Variants in ALK observed in about 807,000 individuals in gnomAD.
ALK encodes ALK receptor tyrosine kinase, also known as ALK tyrosine kinase receptor.
ALK carries 74 observed loss-of-function variants against 163.1 expected under a neutral mutation model. The ratio of observed to expected loss-of-function variants is 0.45; its 90% CI spans 0.38 to 0.55. The LOEUF (loss-of-function observed/expected upper bound fraction) is 0.55. Among genes scored for constraint, ALK ranks in the 20% least tolerant of loss-of-function variants. ALK has a pLI of 0.00. For missense variants in ALK, 2,063 were observed against 2,105.3 expected, an observed-to-expected ratio of 0.98 and a Z score of 0.39; for synonymous variants, 960 against 843.2, an observed-to-expected ratio of 1.14 and a Z score of -2.40.
intron 1 of ALK, among the ~76,000 whole-genome samples, chr2:29,865,503 G>A (rs969400235): frequency 6.6e-6 from 1 of 152,114 alleles, no homozygotes; most frequent in African/African-American, 2.4e-5. Context: ...AGTTTTATAT[G>A]TAACAATCTG....
intron 9 of ALK, among the ~76,000 whole-genome samples, chr2:29,290,932 G>A (rs1255534872): frequency 6.6e-6 from 1 of 152,172 alleles, no homozygotes; most frequent in African/African-American, 2.4e-5. Flanking sequence ...GGAATGGTCT[G>A]CAGCAGGAGG....
At chr2:29,528,039 C>G (rs1048586483) in intron 4 of ALK, among the ~76,000 whole-genome samples, 2 of 152,196 alleles carry the variant, frequency 1.3e-5, no homozygotes, top group Non-Finnish European at 2.9e-5. Flanking sequence ...AATGCCCTGA[C>G]AGCTTATCTT....
intron 5 of ALK, among the ~76,000 whole-genome samples, chr2:29,354,009 G>C (rs1668181162): frequency 6.6e-6 from 1 of 152,186 alleles, no homozygotes; most frequent in African/African-American, 2.4e-5. Context: ...CCTGAGGCTG[G>C]GGCATTTCTG....
intron 6 of ALK, among the ~76,000 whole-genome samples, chr2:29,323,324 G>A (rs1264388883): frequency 6.6e-6 from 1 of 152,188 alleles, no homozygotes; most frequent in Non-Finnish European, 1.5e-5. Context: ...GCAAGTCCCT[G>A]CCTGGCTCTC....
At chr2:29,644,572 T>C (rs1229647083) in intron 3 of ALK, among the ~76,000 whole-genome samples, 2 of 69,168 alleles carry the variant, frequency 2.9e-5, no homozygotes, top group Admixed American at 1.3e-4. Flanking sequence ...TTAAGGTTTT[T>C]TTTTCCCCCC....
At chr2:29,709,556 A>AC (rs1679012474) in intron 2 of ALK, among the ~76,000 whole-genome samples, 1 of 152,226 alleles carries the variant, frequency 6.6e-6, no homozygotes, top group African/African-American at 2.4e-5. Context: ...GTCTAGGAAG[A>AC]GTGATAACGC....
chr2:29,436,948 G>A (rs1670416428), intron 4 of ALK, among the ~76,000 whole-genome samples: 1 of 152,196 alleles, frequency 6.6e-6, no homozygotes, highest in Admixed American at 6.5e-5. Flanking sequence ...CAGCAGGAGT[G>A]ACAGAGGTAG....
intron 3 of ALK, among the ~76,000 whole-genome samples, chr2:29,557,779 G>C (rs527778600): frequency 6.6e-6 from 1 of 152,272 alleles, no homozygotes; most frequent in South Asian, 2.1e-4. Context: ...TAGGTCCTAA[G>C]TGCCACATAA....
intron 3 of ALK, among the ~76,000 whole-genome samples, chr2:29,640,980 T>G (rs1317220754): frequency 6.6e-6 from 1 of 152,074 alleles, no homozygotes; most frequent in Non-Finnish European, 1.5e-5. Context: ...TGTTAGAATA[T>G]TCCAGAAACT....
intron 1 of ALK, 85 bp downstream of exon 1, chr2:29,919,908 G>T: frequency 6.7e-7 from 1 of 1,499,250 alleles, no homozygotes; most frequent in South Asian, 1.2e-5. Context: ...TAGAAAGTGG[G>T]GTGGAAGTGA....
At chr2:29,238,958 G>T (rs1664451291) in intron 13 of ALK, among the ~76,000 whole-genome samples, 1 of 152,226 alleles carries the variant, frequency 6.6e-6, no homozygotes, top group African/African-American at 2.4e-5. Flanking sequence ...TTTCTGCTTA[G>T]ATGAAGGAAT....
rs533628692 is a variant in ALK at position 29,735,749 on chromosome 2, C to T, written c.668-18052G>A. The stretch of plus-strand genomic sequence containing the variant: ...TGATGGTTTTATAAGGAGCTTTTCC[C>T]CCTTTGCTCGGCATTTCTTTCTCCA... On this transcript the variant is annotated intron_variant, in intron 1 of 28. Coordinates refer to ENST00000389048, the MANE Select transcript of ALK (RefSeq NM_004304.5). Among the ~76,000 whole-genome samples the T allele has an allele frequency of 3.9e-4, 59 of 152,086 alleles. 1 individual carries two copies. The highest frequency in any genetic ancestry group is 1.4e-3 in the African/African-American group (56 of 41,434).
intron 24 of ALK, among the ~76,000 whole-genome samples, chr2:29,213,470 A>G (rs956956993): frequency 2.6e-5 from 4 of 152,216 alleles, no homozygotes; most frequent in Non-Finnish European, 4.4e-5. Context: ...CCATTGTCAA[A>G]AATGCAATTC....
chr2:29,548,928 G>T (rs1331288299), intron 3 of ALK, among the ~76,000 whole-genome samples: 3 of 152,114 alleles, frequency 2.0e-5, no homozygotes, highest in Admixed American at 2.0e-4. Flanking sequence ...TTGAAGTTTG[G>T]ACTCTTAAGA....
At position 29,799,727 on chromosome 2, in the gene ALK, G is replaced by C. The variant is rs566304443; in HGVS notation, c.668-82030C>G. Among the ~76,000 whole-genome samples the C allele has an allele frequency of 3.3e-5, 5 of 152,250 alleles. No individual in the cohort carries two copies. The South Asian group carries it at 8.3e-4, about 25-fold the overall frequency. On this transcript the variant is annotated intron_variant, in intron 1 of 28. Transcript: ENST00000389048. ...AAAAATGTAAAACAATATTTTAAGAGAGAGAAGAGTTGACAAACAAAAATA... is the reference window on the plus strand; with the variant it reads ...AAAAATGTAAAACAATATTTTAAGACAGAGAAGAGTTGACAAACAAAAATA...
intron 4 of ALK, among the ~76,000 whole-genome samples, chr2:29,523,726 T>C (rs1345631697): frequency 1.3e-5 from 2 of 152,138 alleles, no homozygotes; most frequent in Non-Finnish European, 2.9e-5. Context: ...TTCACAGTTC[T>C]CTCATCGTCC....
Position 29,618,071 on chromosome 2 carries a change from A to G in ALK, c.952+76779T>C, listed in dbSNP as rs187433680. Among the ~76,000 whole-genome samples, 9 of 152,212 alleles carry G rather than the reference A, an allele frequency of 5.9e-5. No homozygotes were observed. In the East Asian group the frequency reaches 1.7e-3, roughly 29 times the overall value. On this transcript the variant is annotated intron_variant, in intron 3 of 28. Transcript: ENST00000389048. ...AGCTTTCCTTAGGATCAATGTGTTG[A>G]GCTGCCAAGGAGGGGTCAAGCCAGA...
chr2:29,868,733 C>T (rs1039335034), intron 1 of ALK, among the ~76,000 whole-genome samples: 4 of 152,244 alleles, frequency 2.6e-5, no homozygotes, highest in Middle Eastern at 3.2e-3. Context: ...TCCCATCCCA[C>T]ACGTTTTCCT....
intron 4 of ALK, among the ~76,000 whole-genome samples, chr2:29,449,020 G>C (rs986573455): frequency 6.6e-6 from 1 of 152,154 alleles, no homozygotes; most frequent in African/African-American, 2.4e-5. Flanking sequence ...TCCACTGCTT[G>C]ATTCTCATTT....
Sources: gnomAD v4.1 joint callset for allele counts (sites outside exome capture counted in the v4.1 genomes callset) on GRCh38, gnomAD v4.1.1 for gene constraint, MANE v1.5 for transcripts, NCBI Gene and HGNC (gene_info 2026-07-23, HGNC 2026-07-21) for gene names.